The following RAPGEF1 variants were observed in gnomAD, a reference collection of about 807,000 sequenced individuals.
RAPGEF1 encodes the protein CRK SH3-binding GNRP.
Under a neutral mutation model 143.3 loss-of-function variants are expected in RAPGEF1, and 33 were observed. The observed-to-expected ratio is 0.23, with a 90% CI of 0.17 to 0.31. RAPGEF1 has a LOEUF of 0.31. Ranked by LOEUF, RAPGEF1 falls within the 10% of genes least tolerant of loss-of-function variation. The pLI, the probability that RAPGEF1 is intolerant of heterozygous loss-of-function variation, is 1.00. For missense variants in RAPGEF1, 1,199 were observed against 1,645.4 expected (o/e 0.73, Z 4.69); for synonymous variants, 629 against 676.5 (o/e 0.93, Z 1.09).
chr9:131,639,296 G>A (rs1381635174), intron 4 of RAPGEF1, among the ~76,000 whole-genome samples: 3 of 152,182 alleles, frequency 2.0e-5, no homozygotes, highest in Non-Finnish European at 2.9e-5. Flanking sequence ...CCTCCGTCAC[G>A]GGGCCAGCTT....
chr9:131,685,049 C>T (rs564803858), intron 1 of RAPGEF1, among the ~76,000 whole-genome samples: 2 of 152,126 alleles, frequency 1.3e-5, no homozygotes, highest in Non-Finnish European at 2.9e-5. Context: ...GAGGTTATCA[C>T]CACTGCCGTG....
At chr9:131,734,072 T>C (rs1394973553) in intron 1 of RAPGEF1, among the ~76,000 whole-genome samples, 2 of 152,248 alleles carry the variant, frequency 1.3e-5, no homozygotes, top group East Asian at 1.9e-4. Flanking sequence ...CTAAAGACTG[T>C]AGTGAGCCTC....
rs555216285 is a variant in RAPGEF1 at position 131,622,032 on chromosome 9, G to C, written c.1703-34C>G. On this transcript the variant is annotated intron_variant, in intron 10 of 26. Coordinates refer to ENST00000683357, the MANE Select transcript of RAPGEF1 (RefSeq NM_001377935.1). ...CAAGGGAGAAAGCTGCAGCGAGGCC[G>C]GGGGAGGCCACATCAGGGAACCCCT... 30 of 1,584,170 alleles carry C rather than the reference G, an allele frequency of 1.9e-5. No homozygotes were observed. In the African/African-American group the frequency reaches 4.0e-4, roughly 21 times the overall value.
intron 1 of RAPGEF1, among the ~76,000 whole-genome samples, chr9:131,721,648 A>T (rs1162664575): frequency 1.3e-5 from 2 of 152,178 alleles, no homozygotes; most frequent in Non-Finnish European, 2.9e-5. Context: ...TCTAAGTCAC[A>T]GACATTTGGC....
chr9:131,652,937 T>C (rs1222374053), intron 1 of RAPGEF1, among the ~76,000 whole-genome samples: 1 of 152,234 alleles, frequency 6.6e-6, no homozygotes, highest in Non-Finnish European at 1.5e-5. Context: ...GCGCTGGATG[T>C]AATGATGGCT....
chr9:131,666,192 A>G (rs1371181198), intron 1 of RAPGEF1, among the ~76,000 whole-genome samples: 1 of 152,202 alleles, frequency 6.6e-6, no homozygotes, highest in Non-Finnish European at 1.5e-5. Flanking sequence ...CGAGTCAGAG[A>G]CAACTCATTC....
chr9:131,701,120 T>C (rs754093523), intron 1 of RAPGEF1, among the ~76,000 whole-genome samples: 1 of 152,066 alleles, frequency 6.6e-6, no homozygotes, highest in Non-Finnish European at 1.5e-5. Context: ...ATTGGAAAAG[T>C]GATTAAAGTG....
At chr9:131,677,743 T>C (rs936421190) in intron 1 of RAPGEF1, among the ~76,000 whole-genome samples, 1 of 152,196 alleles carries the variant, frequency 6.6e-6, no homozygotes, top group Non-Finnish European at 1.5e-5. Context: ...CAGCTTTTCT[T>C]CCTCTCTCCT....
rs1397431476 is a variant in RAPGEF1 at position 131,655,672 on chromosome 9, C to T, written c.62-4723G>A. On this transcript the variant is annotated intron_variant, in intron 1 of 26. Coordinates refer to ENST00000683357, the MANE Select transcript of RAPGEF1 (RefSeq NM_001377935.1). The surrounding 1 kb of genome is among the most constrained non-coding windows in gnomAD (Gnocchi z 4.1). ...TCGGGAGGCTGAGGCAGGAGAATGG[C>T]GTGAATCCAGGAGGCAGAGCATGCA... Among the ~76,000 whole-genome samples the T allele has an allele frequency of 4.6e-5, 7 of 152,136 alleles. No individual in the cohort carries two copies. Among genetic ancestry groups the T allele is most frequent in the African/African-American group, 1.2e-4 (5 of 41,410 alleles).
At chr9:131,639,384 G>C (rs1466768543) in intron 4 of RAPGEF1, among the ~76,000 whole-genome samples, 1 of 152,022 alleles carries the variant, frequency 6.6e-6, no homozygotes, top group Non-Finnish European at 1.5e-5. Flanking sequence ...TAGCAAATCA[G>C]GGGTGACGGG....
At chr9:131,685,154 G>A (rs1166675604) in intron 1 of RAPGEF1, among the ~76,000 whole-genome samples, 1 of 152,214 alleles carries the variant, frequency 6.6e-6, no homozygotes, top group Non-Finnish European at 1.5e-5. Context: ...ACACTTGGAA[G>A]CTCTGTGATT....
intron 1 of RAPGEF1, among the ~76,000 whole-genome samples, chr9:131,738,069 C>T (rs1411474533): frequency 6.6e-6 from 1 of 152,114 alleles, no homozygotes; most frequent in Non-Finnish European, 1.5e-5. Context: ...CCTGCCTTGG[C>T]CTTCCAAAAT....
At chr9:131,637,967 C>A (rs1439537149) in intron 5 of RAPGEF1, among the ~76,000 whole-genome samples, 2 of 152,242 alleles carry the variant, frequency 1.3e-5, no homozygotes, top group Non-Finnish European at 2.9e-5. Flanking sequence ...TTTCCACTGT[C>A]CTGCTGCCTG....
intron 12 of RAPGEF1, among the ~76,000 whole-genome samples, chr9:131,612,144 A>G (rs943524270): frequency 3.3e-5 from 5 of 152,224 alleles, no homozygotes; most frequent in African/African-American, 1.2e-4. Flanking sequence ...CACGACCTTT[A>G]CAAGGAATGG....
At chr9:131,728,602 TTTATTAC>T (rs1174509430) in intron 1 of RAPGEF1, among the ~76,000 whole-genome samples, 1 of 152,176 alleles carries the variant, frequency 6.6e-6, no homozygotes, top group Non-Finnish European at 1.5e-5. Context: ...ACTTCAAAAG[TTTATTAC>T]TTAATTGTAA....
At position 131,641,675 on chromosome 9, in the gene RAPGEF1, C is replaced by T. The variant is rs1405029696; in HGVS notation, c.494+1564G>A. Among the ~76,000 whole-genome samples the T allele has an allele frequency of 6.6e-6, 1 of 152,242 alleles. No homozygotes were observed. The highest frequency in any genetic ancestry group is 1.5e-5 in the Non-Finnish European group (1 of 68,040). On this transcript the variant is annotated intron_variant, in intron 4 of 26. Coordinates refer to ENST00000683357, the MANE Select transcript of RAPGEF1 (RefSeq NM_001377935.1). The surrounding 1 kb of genome is among the most constrained non-coding windows in gnomAD (Gnocchi z 4.6). ...TCTAAGAGGGAATCCATACATCTCG[C>T]TGTGGCATGACGTCAGCACATGCGC... is the stretch of plus-strand genomic sequence containing the variant.
chr9:131,736,943 T>TA lies in RAPGEF1; in HGVS notation c.61+2826dup, dbSNP rs1315339333. On this transcript the variant is annotated intron_variant, in intron 1 of 26. Transcript: ENST00000683357. The stretch of plus-strand genomic sequence containing the variant: ...GGAGACTGAATAGTGGGAAGTCCAT[T>TA]AAAAAAACTCCAACAGAAATCTAAC... Among the ~76,000 whole-genome samples the TA allele has an allele frequency of 6.6e-5, 10 of 152,144 alleles. No homozygotes were observed. In the East Asian group the frequency reaches 1.2e-3, roughly 18 times the overall value.
chr9:131,629,608 T>C (rs759736484), intron 6 of RAPGEF1, among the ~76,000 whole-genome samples: 2 of 152,074 alleles, frequency 1.3e-5, no homozygotes, highest in African/African-American at 2.4e-5. Flanking sequence ...TTGGCCAAGA[T>C]GGTGAAACCC....
In RAPGEF1 at chr9:131,615,239, A is replaced by AT. The variant is rs200744965; in HGVS notation, c.2061+3811dup. On this transcript the variant is annotated intron_variant, in intron 12 of 26. Coordinates refer to ENST00000683357, the MANE Select transcript of RAPGEF1 (RefSeq NM_001377935.1). ...AGGCGCCCGCCACCATGCCTGGCTA[A>AT]TTTTTTTTGTATTTTCAGTAGAGCC... 6.5e-3 allele frequency among the ~76,000 whole-genome samples: 989 copies of AT among 152,050 alleles called. 5 individuals carry two copies. Among genetic ancestry groups the AT allele is most frequent in the African/African-American group, 0.012 (509 of 41,478 alleles).
Sources: gnomAD v4.1 joint callset for allele counts (sites outside exome capture counted in the v4.1 genomes callset) on GRCh38, gnomAD v4.1.1 for gene constraint, Gnocchi (gnomAD v3.1) non-coding constraint, MANE v1.5 for transcripts, NCBI Gene and HGNC (gene_info 2026-07-23, HGNC 2026-07-21) for gene names.